Variants in PXDNL observed in about 807,000 individuals in gnomAD.
PXDNL encodes the protein probable oxidoreductase PXDNL.
Under a neutral mutation model 150.8 loss-of-function variants are expected in PXDNL, and 145 were observed. The observed-to-expected ratio is 0.96, with a 90% confidence interval of 0.84 to 1.10. The LOEUF (loss-of-function observed/expected upper bound fraction) is 1.10. Among genes scored for constraint, PXDNL ranks in the 50% least tolerant of loss-of-function variants. The pLI is 0.00. For synonymous variants in PXDNL, 757 were observed against 725.7 expected (o/e 1.04, Z -0.69); for missense variants, 2,087 against 1,873.9 (o/e 1.11, Z -2.10).
intron 4 of PXDNL, among the ~76,000 whole-genome samples, chr8:51,501,744 C>T (rs1174882378): frequency 1.3e-5 from 2 of 152,158 alleles, no homozygotes; most frequent in East Asian, 1.9e-4. Flanking sequence ...ACACACTGTC[C>T]CCCACAAAAT....
Position 51,789,026 on chromosome 8 carries a change from T to C in PXDNL, c.164+20155A>G, listed in dbSNP as rs911778451. 1.9e-4 allele frequency among the ~76,000 whole-genome samples: 28 copies of C among 151,084 alleles called. 1 individual carries two copies. The highest frequency in any genetic ancestry group is 7.4e-5 in the Non-Finnish European group (5 of 67,946). On this transcript the variant is annotated intron_variant, in intron 1 of 22. Transcript: ENST00000356297. ...CTAGTGCCTTTCCTTTTTCTTTTTC[T>C]TTTTTTTAATACCCCATTTATTTGG...
intron 4 of PXDNL, among the ~76,000 whole-genome samples, chr8:51,551,845 A>G (rs1263192261): frequency 6.6e-6 from 1 of 152,228 alleles, no homozygotes; most frequent in African/African-American, 2.4e-5. Flanking sequence ...TAAACTAAAA[A>G]GCCTCTGCCC....
At chr8:51,680,231 G>A (rs2130845060) in intron 1 of PXDNL, among the ~76,000 whole-genome samples, 1 of 152,364 alleles carries the variant, frequency 6.6e-6, no homozygotes, top group Non-Finnish European at 1.5e-5. Flanking sequence ...CCGGGTGTCT[G>A]TGTGGTGCCT....
intron 4 of PXDNL, among the ~76,000 whole-genome samples, chr8:51,514,188 G>A (rs1299207917): frequency 2.0e-5 from 3 of 152,208 alleles, no homozygotes; most frequent in Admixed American, 6.5e-5. Context: ...CTGGAGCCAT[G>A]AGAAATAAAC....
intron 1 of PXDNL, among the ~76,000 whole-genome samples, chr8:51,665,873 T>A (rs1244548898): frequency 6.6e-6 from 1 of 152,208 alleles, no homozygotes; most frequent in Non-Finnish European, 1.5e-5. Flanking sequence ...TGTGATGATG[T>A]GAGGAAGCTG....
chr8:51,742,501 C>G (rs1231084817), intron 1 of PXDNL, among the ~76,000 whole-genome samples: 1 of 151,936 alleles, frequency 6.6e-6, no homozygotes, highest in Non-Finnish European at 1.5e-5. Context: ...TAAGGGATAC[C>G]GAGTGACTGG....
chr8:51,394,193 A>C (rs114343623), intron 17 of PXDNL, among the ~76,000 whole-genome samples: 47 of 152,364 alleles, frequency 3.1e-4, no homozygotes, highest in African/African-American at 1.1e-3. Context: ...TTATTTTAAA[A>C]AATAGCACTT....
intron 3 of PXDNL, among the ~76,000 whole-genome samples, chr8:51,591,210 C>T (rs1004376890): frequency 5.3e-5 from 8 of 152,072 alleles, no homozygotes; most frequent in South Asian, 2.1e-4. Flanking sequence ...GAATGATGAG[C>T]CAAATAAACT....
intron 19 of PXDNL, among the ~76,000 whole-genome samples, chr8:51,365,402 G>A (rs1806883710): frequency 6.6e-6 from 1 of 152,220 alleles, no homozygotes; most frequent in African/African-American, 2.4e-5. Flanking sequence ...TCAGTTGTAA[G>A]GAATTAATGA....
At chr8:51,636,021 A>C (rs890718819) in intron 2 of PXDNL, among the ~76,000 whole-genome samples, 1 of 152,150 alleles carries the variant, frequency 6.6e-6, no homozygotes, top group South Asian at 2.1e-4. Flanking sequence ...AGTAGATTTA[A>C]CCTAAGAATG....
At chr8:51,418,825 A>G (rs1004969839) in intron 14 of PXDNL, among the ~76,000 whole-genome samples, 2 of 152,226 alleles carry the variant, frequency 1.3e-5, no homozygotes, top group Non-Finnish European at 1.5e-5. Flanking sequence ...AGTAGCAAAT[A>G]TTATGGGTGG....
chr8:51,794,279 G>A (rs2037540369), intron 1 of PXDNL, among the ~76,000 whole-genome samples: 1 of 152,124 alleles, frequency 6.6e-6, no homozygotes. Context: ...AACCTAACAA[G>A]ACAGGCCAAC....
chr8:51,389,757 T>C (rs1052199195), intron 17 of PXDNL, among the ~76,000 whole-genome samples: 2 of 152,236 alleles, frequency 1.3e-5, no homozygotes, highest in Non-Finnish European at 2.9e-5. Context: ...TCAATGGTTC[T>C]ATGTATTTTT....
intron 8 of PXDNL, among the ~76,000 whole-genome samples, chr8:51,462,589 C>T (rs1031262716): frequency 1.3e-5 from 2 of 151,558 alleles, no homozygotes; most frequent in African/African-American, 4.9e-5. Context: ...CCCAGTCAGA[C>T]AAAAAGAGAG....
At chr8:51,740,133 CTGA>C (rs149341940) in intron 1 of PXDNL, among the ~76,000 whole-genome samples, 3,759 of 152,218 alleles carry the variant, frequency 0.025, 158 homozygotes, top group African/African-American at 0.085. Context: ...CAAATCGATC[CTGA>C]TGTGTAATGC....
intron 17 of PXDNL, among the ~76,000 whole-genome samples, chr8:51,382,499 G>A (rs1303264314): frequency 1.3e-5 from 2 of 152,122 alleles, no homozygotes; most frequent in African/African-American, 4.8e-5. Flanking sequence ...CAGTTTGCCT[G>A]CCAAAAATGA....
chr8:51,469,631 G>C (rs1810280505), intron 8 of PXDNL, among the ~76,000 whole-genome samples: 1 of 152,054 alleles, frequency 6.6e-6, no homozygotes, highest in African/African-American at 2.4e-5. Flanking sequence ...GAGTAGAAAA[G>C]GATAATGATA....
chr8:51,420,640 C>G (rs1808924882), intron 14 of PXDNL, among the ~76,000 whole-genome samples: 1 of 152,190 alleles, frequency 6.6e-6, no homozygotes, highest in African/African-American at 2.4e-5. Flanking sequence ...AATGCTATCA[C>G]TATTCTAAAA....
At chr8:51,742,992 C>T (rs956387689) in intron 1 of PXDNL, among the ~76,000 whole-genome samples, 3 of 152,140 alleles carry the variant, frequency 2.0e-5, no homozygotes, top group Non-Finnish European at 2.9e-5. Context: ...ATAAGTGGAA[C>T]AATAGGTAGT....
Sources: gnomAD v4.1 joint callset for allele counts (sites outside exome capture counted in the v4.1 genomes callset) on GRCh38, gnomAD v4.1.1 for gene constraint, MANE v1.5 for transcripts, NCBI Gene and HGNC (gene_info 2026-07-23, HGNC 2026-07-21) for gene names.